The following ARHGEF40 variants were observed in gnomAD, a reference collection of about 807,000 sequenced individuals.
ARHGEF40 encodes the protein Rho guanine nucleotide exchange factor (GEF) 40.
ARHGEF40 carries 98 observed loss-of-function variants against 165.9 expected under a neutral mutation model. That is an observed-to-expected ratio of 0.59 (90% CI 0.50 to 0.70). The LOEUF (loss-of-function observed/expected upper bound fraction) is 0.70, where lower values mean the gene tolerates loss of function less well. Ranked by LOEUF, ARHGEF40 falls within the 30% of genes least tolerant of loss-of-function variation. ARHGEF40 has a pLI of 0.00. For missense variants in ARHGEF40, 1,815 were observed against 1,968.0 expected, an observed-to-expected ratio of 0.92 and a Z score of 1.47; for synonymous variants, 792 against 814.3, an observed-to-expected ratio of 0.97 and a Z score of 0.47.
chr14:21,085,424 G>A (rs891378043), intron 18 of ARHGEF40, among the ~76,000 whole-genome samples: 1 of 152,210 alleles, frequency 6.6e-6, no homozygotes, highest in African/African-American at 2.4e-5. Context: ...GTATAGCATA[G>A]AGGAAAAGGC....
Position 21,073,152 on chromosome 14 carries a change from G to A in ARHGEF40, c.111G>A (p.Glu37=). The A allele has an allele frequency of 6.2e-7, 1 of 1,614,162 alleles. No individual in the cohort carries two copies. The highest frequency in any genetic ancestry group is 2.2e-5 in the East Asian group (1 of 44,878). The part of the protein sequence containing the change: ...TLLGQVFQVV[E]RTYREDALRY... ...TGGGCCAGGTGTTCCAGGTGGTGGAGAGGACTTATCGGGAGGACGCACTGA... is the reference window on the plus strand; with the variant it reads ...TGGGCCAGGTGTTCCAGGTGGTGGAAAGGACTTATCGGGAGGACGCACTGA... The change falls in exon 2 of 24, where the codon GAG becomes GAA. Residue 37 remains glutamate (E), a synonymous_variant. Transcript: ENST00000298694. The surrounding 1 kb of genome is among the most constrained non-coding windows in gnomAD (Gnocchi z 4.6).
rs891036222 is a variant in ARHGEF40 at position 21,072,482 on chromosome 14, TCCTCCTCTTTCCAC to T, written c.4-561_4-548del. On this transcript the variant is annotated intron_variant, in intron 1 of 23. Transcript: ENST00000298694. The surrounding 1 kb of genome is among the most constrained non-coding windows in gnomAD (Gnocchi z 4.1). ...AAGACAGTCACAGACAGTCTTTCCA[TCCTCCTCTTTCCAC>T]CAAATGACCATCTCTAGCATATAAA... 1.3e-5 allele frequency among the ~76,000 whole-genome samples: 2 copies of T among 152,132 alleles called. No homozygotes were observed. Among genetic ancestry groups the T allele is most frequent in the African/African-American group, 4.8e-5 (2 of 41,424 alleles).
intron 1 of ARHGEF40, among the ~76,000 whole-genome samples, chr14:21,071,977 A>G (rs1886953960): frequency 6.6e-6 from 1 of 152,228 alleles, no homozygotes; most frequent in East Asian, 1.9e-4. Flanking sequence ...ATTTTGTTTT[A>G]TGGCAAAGGC....
chr14:21,087,819 G>T, intron 21 of ARHGEF40, 149 bp from the exon 22 acceptor site: 3 of 1,048,302 alleles, frequency 2.9e-6, no homozygotes, highest in Non-Finnish European at 4.3e-6. Context: ...CCTGCCTCTT[G>T]GTAGGGGGTT....
At position 21,070,715 on chromosome 14, in the gene ARHGEF40, C is replaced by G. The variant is rs1306669734; in HGVS notation, c.3+316C>G. On this transcript the variant is annotated intron_variant, in intron 1 of 23. Transcript: ENST00000298694. The surrounding 1 kb of genome is among the most constrained non-coding windows in gnomAD (Gnocchi z 4.7). ...CTGTCCTGACCTGTGCCTTCCTTTC[C>G]TGGAGCTTCCCTCCCCCTCCTGGTC... The G allele has an allele frequency of 1.6e-5, 20 of 1,264,564 alleles. No homozygotes were observed. In the Admixed American group the frequency reaches 4.2e-4, roughly 26 times the overall value. 78.3% of individuals were successfully genotyped at this position (1,264,564 alleles called of 1,614,324 possible).
chr14:21,077,232 G>T (rs1887496911), intron 8 of ARHGEF40, among the ~76,000 whole-genome samples: 1 of 151,468 alleles, frequency 6.6e-6, no homozygotes, highest in African/African-American at 2.4e-5. Flanking sequence ...AACCTCTTGA[G>T]TAGCTGTGGC....
Position 21,078,996 on chromosome 14 carries a change from C to G in ARHGEF40, c.2359C>G (p.Arg787Gly). Reference protein sequence around the residue: ...VQQQEQRQCLRRLQQVLQWLS... With the variant: ...VQQQEQRQCLGRLQQVLQWLS... ...GCAGCAAGAGCAGCGGCAGTGCCTG[C>G]GGCGACTCCAGCAGGTGAGCCAGGA... The change falls in exon 11 of 24, where the codon CGG (arginine) becomes GGG (glycine). Residue 787 changes from arginine to glycine, a missense_variant. Coordinates refer to ENST00000298694, the MANE Select transcript of ARHGEF40 (RefSeq NM_018071.5). 1 of 1,613,188 alleles carries G rather than the reference C, an allele frequency of 6.2e-7. No individual in the cohort carries two copies.
chr14:21,071,000 G>C lies in ARHGEF40; in HGVS notation c.3+601G>C, dbSNP rs547952032. 1,120 of 819,870 alleles carry C rather than the reference G, an allele frequency of 1.4e-3. 19 individuals carry two copies. Among genetic ancestry groups the C allele is most frequent in the South Asian group, 0.011 (715 of 62,476 alleles). 50.8% of individuals were successfully genotyped at this position (819,870 alleles called of 1,614,324 possible). A position where few individuals can be genotyped will look rare whatever the true frequency, so the allele number is the denominator to read the frequency against. The stretch of plus-strand genomic sequence containing the variant: ...CCTCAGGATAGTTGGGGGTGCTTGG[G>C]GGGGAGCTCACAGTACCAGGGGGCG... On this transcript the variant is annotated intron_variant, in intron 1 of 23. Transcript: ENST00000298694. The surrounding 1 kb of genome is among the most constrained non-coding windows in gnomAD (Gnocchi z 4.7).
rs1887284098 is a variant in ARHGEF40, at chr14:21,074,957, C to A, written c.1227C>A (p.Ser409Arg). The change falls in exon 3 of 24, where the codon AGC becomes AGA. Residue 409 changes from serine (S) to arginine (R), a missense_variant. Physicochemically the swap from Ser to Arg is moderately radical, Grantham distance 110 (BLOSUM62 -1). Transcript: ENST00000298694. This position sits in a 1 kb window ranked among gnomAD's most constrained non-coding sequence, Gnocchi z 4.8. ...PLSPGDKEDASHQEALGNLPS... is the reference protein window; with the variant it reads ...PLSPGDKEDARHQEALGNLPS... ...GCCCTGGGGACAAGGAAGATGCCAG[C>A]CACCAAGAAGCCCTTGGCAATCTGC... The A allele has an allele frequency of 6.2e-7, 1 of 1,608,258 alleles. No homozygotes were observed. The highest frequency in any genetic ancestry group is 1.7e-5 in the Admixed American group (1 of 58,690).
At chr14:21,071,713 C>T (rs1201597631) in intron 1 of ARHGEF40, among the ~76,000 whole-genome samples, 3 of 152,200 alleles carry the variant, frequency 2.0e-5, no homozygotes, top group African/African-American at 7.2e-5. Context: ...CAAGCCCTAG[C>T]TCCGCACTCC....
chr14:21,082,904 G>C lies in ARHGEF40; in HGVS notation c.3560G>C (p.Ser1187Thr). Residue 1187 changes from serine (S) to threonine (T), a missense_variant, in exon 16 of 24, where the codon AGT (serine) becomes ACT (threonine). Physicochemically the swap from Ser to Thr is moderately conservative, Grantham distance 58. Transcript: ENST00000298694. ...CTGGAGAATGGTCTGGCTGCGCTCA[G>C]TCCCTTAAGCAAGGTAACTTTTTCT... Reference protein sequence around the residue: ...HKLENGLAALSPLSKGSMEAG... With the variant: ...HKLENGLAALTPLSKGSMEAG... 1 of 1,614,120 alleles carries C rather than the reference G, an allele frequency of 6.2e-7. No homozygotes were observed. The highest frequency in any genetic ancestry group is 8.5e-7 in the Non-Finnish European group (1 of 1,179,994).
chr14:21,081,221 G>T, intron 13 of ARHGEF40: 1 of 871,220 alleles, frequency 1.1e-6, no homozygotes, highest in Non-Finnish European at 1.7e-6. Context: ...TACCTCACAG[G>T]GCTGCTGTGG....
rs746196810 is a variant in ARHGEF40 at position 21,083,883 on chromosome 14, C to T, written c.3622C>T (p.Leu1208=). 1.9e-6 allele frequency: 3 copies of T among 1,613,992 alleles called. No homozygotes were observed. The highest frequency in any genetic ancestry group is 4.5e-5 in the East Asian group (2 of 44,888). Reference sequence around the variant, plus strand: ...CCTGCCCCGAGCCCTGCAGCAGCCTCTGGAACAGCTGACTCGGTATGGGCG... The same window carrying T: ...CCTGCCCCGAGCCCTGCAGCAGCCTTTGGAACAGCTGACTCGGTATGGGCG... ...PYLPRALQQP[L]EQLTRYGRLL... The change falls in exon 17 of 24, where the codon CTG becomes TTG. Residue 1208 remains leucine, a synonymous_variant. Transcript: ENST00000298694.
intron 18 of ARHGEF40, 107 bp from the exon 19 acceptor site, chr14:21,085,582 T>C (rs1888266620): frequency 3.0e-6 from 4 of 1,339,246 alleles, no homozygotes; most frequent in Admixed American, 4.4e-5. Context: ...TGAGCAAACG[T>C]TTACTGAACA....
chr14:21,070,904 GC>G lies in ARHGEF40; in HGVS notation c.3+507del. 6.6e-7 allele frequency: 1 copy of G among 1,526,228 alleles called. No individual in the cohort carries two copies. The highest frequency in any genetic ancestry group is 8.8e-7 in the Non-Finnish European group (1 of 1,138,598). The allele number at this position is 1,526,228 out of a possible 1,614,324, so 94.5% of individuals were successfully genotyped here. On this transcript the variant is annotated intron_variant, in intron 1 of 23. Transcript: ENST00000298694. The surrounding 1 kb of genome is among the most constrained non-coding windows in gnomAD (Gnocchi z 4.7). ...CCACCCATCCGGCCCTAGGGGACTG[GC>G]CACAGCTGTGGCTGGGCCGGGTCCC...
the ARHGEF40 span, among the ~76,000 whole-genome samples, chr14:21,062,531 G>A: frequency 2.0e-5 from 3 of 152,180 alleles, no homozygotes; most frequent in Non-Finnish European, 2.9e-5. Flanking sequence ...CCTGAGGCCC[G>A]TGTAGGGGTG....
At chr14:21,077,044 T>C (rs1317547012) in intron 8 of ARHGEF40, among the ~76,000 whole-genome samples, 154 bp downstream of exon 8, 1 of 152,154 alleles carries the variant, frequency 6.6e-6, no homozygotes, top group Non-Finnish European at 1.5e-5. Flanking sequence ...GGCTCCCAAA[T>C]CATGAGGAAA....
intron 19 of ARHGEF40, 90 bp downstream of exon 19, chr14:21,085,956 G>A: frequency 1.4e-6 from 2 of 1,400,706 alleles, no homozygotes; most frequent in Non-Finnish European, 2.0e-6. Context: ...TGGGAAAACA[G>A]TTTATAGGAT....
At chr14:21,086,009 G>A in intron 19 of ARHGEF40, 143 bp downstream of exon 19, 1 of 1,000,368 alleles carries the variant, frequency 1.0e-6, no homozygotes, top group Non-Finnish European at 1.4e-6. Flanking sequence ...TTTGGCTTGA[G>A]AGATTACTGA....
Sources: allele counts gnomAD v4.1 joint callset (sites outside exome capture counted in the v4.1 genomes callset), GRCh38; gene constraint gnomAD v4.1.1; non-coding constraint Gnocchi (gnomAD v3.1); transcripts MANE v1.5; gene names NCBI Gene and HGNC (gene_info 2026-07-23, HGNC 2026-07-21).